SEC16B: variants seen among roughly 807,000 people sequenced by gnomAD.
SEC16B encodes the protein protein transport protein Sec16B.
In SEC16B, 115 loss-of-function variants were observed where a neutral mutation model predicts 141.8. The observed-to-expected ratio is 0.81, with a 90% confidence interval of 0.70 to 0.95. SEC16B has a LOEUF of 0.95. Ranked by LOEUF, SEC16B falls within the 40% of genes least tolerant of loss-of-function variation. The pLI, the probability that SEC16B is intolerant of heterozygous loss-of-function variation, is 0.00. For missense variants in SEC16B, 1,291 were observed against 1,312.3 expected, an observed-to-expected ratio of 0.98 and a Z score of 0.25; for synonymous variants, 493 against 492.5, an observed-to-expected ratio of 1.00 and a Z score of -0.01.
intron 18 of SEC16B, among the ~76,000 whole-genome samples, chr1:177,939,035 T>G (rs1299844662): frequency 2.6e-5 from 4 of 152,312 alleles, no homozygotes; most frequent in African/African-American, 9.6e-5. Flanking sequence ...ACCCCCCACC[T>G]TTACAGATCC....
At chr1:177,959,183 C>A (rs1652875715) in intron 8 of SEC16B, 2 of 601,268 alleles carry the variant, frequency 3.3e-6, no homozygotes, top group Admixed American at 2.5e-5. Flanking sequence ...CTCTCATGCA[C>A]CCCCTTTATA....
At chr1:177,960,974 C>T (rs540657182) in intron 6 of SEC16B, 35 bp from the exon 7 acceptor site, 22 of 1,561,984 alleles carry the variant, frequency 1.4e-5, no homozygotes, top group Non-Finnish European at 1.7e-5. Flanking sequence ...ACATTGTTAG[C>T]GTTACTTCCA....
In SEC16B at chr1:177,964,674, G is replaced by A. The variant is rs553717408; in HGVS notation, c.533+373C>T. The stretch of plus-strand genomic sequence containing the variant: ...GATGGCCCATTCTCAGGGCTCAGGC[G>A]TAGGCTGAGGAAAAGCACCACAGCA... On this transcript the variant is annotated intron_variant, in intron 4 of 25. Coordinates refer to ENST00000308284, the MANE Select transcript of SEC16B (RefSeq NM_033127.4). 2.4e-4 allele frequency among the ~76,000 whole-genome samples: 37 copies of A among 152,324 alleles called. No individual in the cohort carries two copies. The South Asian group carries it at 3.1e-3, about 13-fold the overall frequency.
intron 20 of SEC16B, 21 bp from the exon 21 acceptor site, chr1:177,933,657 C>T: frequency 6.2e-7 from 1 of 1,613,246 alleles, no homozygotes; most frequent in Non-Finnish European, 8.5e-7. Flanking sequence ...AGAAATAACT[C>T]ACATTTGCAT....
intron 1 of SEC16B, among the ~76,000 whole-genome samples, chr1:177,982,960 T>C (rs1268502058): frequency 6.6e-6 from 1 of 152,212 alleles, no homozygotes; most frequent in Non-Finnish European, 1.5e-5. Flanking sequence ...AAAAGCAACC[T>C]TTCCACCTAT....
chr1:177,946,448 G>A lies in SEC16B; in HGVS notation c.1747C>T (p.His583Tyr). 2.5e-6 allele frequency: 4 copies of A among 1,577,464 alleles called. No homozygotes were observed. Among genetic ancestry groups the A allele is most frequent in the Non-Finnish European group, 3.4e-6 (4 of 1,161,758 alleles). Reference sequence around the variant, plus strand: ...TGGCTGCTGCCCAGCAAGACCAGATGGTCTGTCTTCACGGTGTAGTGGCCA... The same window carrying A: ...TGGCTGCTGCCCAGCAAGACCAGATAGTCTGTCTTCACGGTGTAGTGGCCA... ...PFGHYTVKTD[H>Y]LVLLGSSHSQ... The change falls in exon 14 of 26, where the codon CAT (histidine) becomes TAT (tyrosine). Residue 583 changes from histidine (H) to tyrosine (Y), a missense_variant. Physicochemically the swap from His to Tyr is moderately conservative, Grantham distance 83. This residue lies in a region of SEC16B where 605 missense variants were observed against 614.1 expected (regional missense o/e 0.99). Transcript: ENST00000308284.
chr1:177,940,018 T>C (rs1651159378), intron 17 of SEC16B, among the ~76,000 whole-genome samples: 2 of 151,860 alleles, frequency 1.3e-5, no homozygotes, highest in Admixed American at 1.3e-4. Context: ...AAGGAGCGCA[T>C]GGAAAGAACT....
At chr1:177,938,426 T>C (rs1338857906) in intron 18 of SEC16B, among the ~76,000 whole-genome samples, 1 of 152,224 alleles carries the variant, frequency 6.6e-6, no homozygotes, top group Non-Finnish European at 1.5e-5. Context: ...ACCTCCTTTG[T>C]GAACAGTCAC....
chr1:177,942,168 C>T (rs1173018269), intron 15 of SEC16B, 128 bp from the exon 16 acceptor site: 3 of 1,038,986 alleles, frequency 2.9e-6, no homozygotes, highest in East Asian at 2.6e-5. Flanking sequence ...TACCAAGAGG[C>T]TTGTGCCATT....
chr1:177,943,489 G>C (rs1166832958), intron 15 of SEC16B, among the ~76,000 whole-genome samples: 1 of 152,202 alleles, frequency 6.6e-6, no homozygotes, highest in Non-Finnish European at 1.5e-5. Flanking sequence ...TCACTTTCAA[G>C]GCTTTGTGTT....
At chr1:177,930,286 A>T (rs1650318082) in intron 25 of SEC16B, among the ~76,000 whole-genome samples, 1 of 152,144 alleles carries the variant, frequency 6.6e-6, no homozygotes, top group Non-Finnish European at 1.5e-5. Context: ...ACATCTCAAG[A>T]GCTATTAAAA....
chr1:177,942,336 T>A (rs1571316359), intron 15 of SEC16B, among the ~76,000 whole-genome samples: 1 of 152,154 alleles, frequency 6.6e-6, no homozygotes, highest in African/African-American at 2.4e-5. Flanking sequence ...GCCCCACATA[T>A]CCAGAGAGTC....
rs749464325 is a variant in SEC16B at position 177,961,711 on chromosome 1, G to T, written c.666C>A (p.Asn222Lys). 4 of 1,613,876 alleles carry T rather than the reference G, an allele frequency of 2.5e-6. No homozygotes were observed. The highest frequency in any genetic ancestry group is 2.2e-5 in the South Asian group (2 of 91,050). ...GACCAGACTCACGCTGCTGGAGAAG[G>T]TTGGACTCACTAGCCAATGATGGCT... ...KNKPSLASES[N>K]LLQQRESGLS... Residue 222 changes from asparagine to lysine, a missense_variant, in exon 6 of 26, where the codon AAC (asparagine) becomes AAA (lysine). By Grantham distance (94) the Asn-to-Lys change is moderately conservative (BLOSUM62 0). Around this residue, in one of 3 missense-constraint regions of SEC16B, gnomAD observed 681 missense variants for 675.5 expected, o/e 1.01. Transcript: ENST00000308284.
At chr1:177,958,478 C>A in intron 9 of SEC16B, 116 bp from the exon 10 acceptor site, 1 of 751,120 alleles carries the variant, frequency 1.3e-6, no homozygotes, top group Non-Finnish European at 2.1e-6. Flanking sequence ...GCCAATTATG[C>A]AAACATAAGG....
At chr1:177,959,052 G>A in intron 8 of SEC16B, 77 bp from the exon 9 acceptor site, 1 of 1,467,182 alleles carries the variant, frequency 6.8e-7, no homozygotes, top group African/African-American at 1.4e-5. Context: ...CTCCTCCTAA[G>A]TGTGCAAGTG....
rs1334877579 is a variant in SEC16B at position 177,937,325 on chromosome 1, A to C, written c.2392T>G (p.Phe798Val). ...GAGQTGTPRPFYSVPETHLPG... is the reference protein window; with the variant it reads ...GAGQTGTPRPVYSVPETHLPG... ...AGATGGGTCTCAGGAACTGAGTAAA[A>C]AGGCCTCGGTGTCCCTGTCTGCCCT... Residue 798 changes from phenylalanine to valine, a missense_variant, in exon 19 of 26, where the codon TTT (phenylalanine) becomes GTT (valine). Coordinates refer to ENST00000308284, the MANE Select transcript of SEC16B (RefSeq NM_033127.4). 2 of 1,613,704 alleles carry C rather than the reference A, an allele frequency of 1.2e-6. No individual in the cohort carries two copies. The highest frequency in any genetic ancestry group is 1.7e-6 in the Non-Finnish European group (2 of 1,179,848).
intron 24 of SEC16B, 40 bp from the exon 25 acceptor site, chr1:177,930,683 C>T (rs750265125): frequency 3.4e-5 from 49 of 1,461,752 alleles, no homozygotes; most frequent in Non-Finnish European, 4.4e-5. Flanking sequence ...CAGTGCCTGC[C>T]TCCCAGATTC....
At chr1:177,965,787 T>A (rs1653467736) in intron 3 of SEC16B, 106 bp downstream of exon 3, 2 of 634,224 alleles carry the variant, frequency 3.2e-6, no homozygotes, top group Non-Finnish European at 5.5e-6. Flanking sequence ...CAAGAAAGGA[T>A]GCCCAAGGTG....
At chr1:177,957,254 A>G (rs1652682925) in intron 10 of SEC16B, among the ~76,000 whole-genome samples, 1 of 152,172 alleles carries the variant, frequency 6.6e-6, no homozygotes, top group Non-Finnish European at 1.5e-5. Flanking sequence ...ACAAAATTAT[A>G]AATAGTCTAA....
Sources: gnomAD v4.1 joint callset for allele counts (sites outside exome capture counted in the v4.1 genomes callset) on GRCh38, gnomAD v4.1.1 for gene constraint, gnomAD v4.1.1 regional missense constraint, MANE v1.5 for transcripts, NCBI Gene and HGNC (gene_info 2026-07-23, HGNC 2026-07-21) for gene names.